SHPRH: variants seen among roughly 807,000 people sequenced by gnomAD.
SHPRH encodes the protein E3 ubiquitin-protein ligase SHPRH.
Under a neutral mutation model 202.5 loss-of-function variants are expected in SHPRH, and 106 were observed. The observed-to-expected ratio is 0.52, with a 90% CI of 0.45 to 0.62. The LOEUF (loss-of-function observed/expected upper bound fraction) is 0.62, where lower values mean the gene tolerates loss of function less well. SHPRH is among the 20% of genes least tolerant of loss of function. The pLI, the probability that SHPRH is intolerant of heterozygous loss-of-function variation, is 0.00. For missense variants in SHPRH, 1,710 were observed against 2,020.0 expected (o/e 0.85, Z 2.94); for synonymous variants, 729 against 686.0 (o/e 1.06, Z -0.98).
chr6:145,928,120 T>A (rs1785061060), intron 14 of SHPRH, among the ~76,000 whole-genome samples: 1 of 152,136 alleles, frequency 6.6e-6, no homozygotes, highest in South Asian at 2.1e-4. Flanking sequence ...CTAGCTCTGC[T>A]CATTTGTTTT....
chr6:145,864,374 A>G (rs1385273337), exon 3 of SHPRH: 2 of 424,130 alleles, frequency 4.7e-6, no homozygotes, highest in African/African-American at 2.0e-5. Flanking sequence ...TAAAGTAAAT[A>G]AAAAACAACT....
chr6:145,887,285 C>G (rs1781115006), intron 29 of SHPRH, among the ~76,000 whole-genome samples: 1 of 152,134 alleles, frequency 6.6e-6, no homozygotes, highest in Non-Finnish European at 1.5e-5. Flanking sequence ...TTTCTAGTTT[C>G]AAATTGCTTC....
In SHPRH at chr6:145,924,863, A is replaced by G. The variant is rs747278709; in HGVS notation, c.3295-17T>C. 3.1e-6 allele frequency: 5 copies of G among 1,593,754 alleles called. No homozygotes were observed. Among genetic ancestry groups the G allele is most frequent in the Non-Finnish European group, 3.4e-6 (4 of 1,163,566 alleles). The stretch of plus-strand genomic sequence containing the variant: ...CTGTTTGGCCTGTGTTGAAACAGAG[A>G]ATATAAACTTTCACTCCCAATCTAG... On this transcript the variant is annotated splice_polypyrimidine_tract_variant and intron_variant, in intron 16 of 29. Transcript: ENST00000275233.
At chr6:145,958,039 C>T (rs1219377695) in intron 1 of SHPRH, among the ~76,000 whole-genome samples, 1 of 152,234 alleles carries the variant, frequency 6.6e-6, no homozygotes, top group East Asian at 1.9e-4. Context: ...AAGCATTATG[C>T]TAAACTGAAG....
intron 13 of SHPRH, among the ~76,000 whole-genome samples, chr6:145,934,419 T>C (rs1407105852): frequency 8.5e-6 from 1 of 117,626 alleles, no homozygotes; most frequent in Non-Finnish European, 2.0e-5. Flanking sequence ...TGAGCTGAGA[T>C]TGTGCCACTG....
At chr6:145,960,390 G>C (rs1241256706) in intron 1 of SHPRH, among the ~76,000 whole-genome samples, 1 of 152,140 alleles carries the variant, frequency 6.6e-6, no homozygotes, top group African/African-American at 2.4e-5. Context: ...GCATGGATAT[G>C]GGGGGTGGAA....
chr6:145,911,091 T>A (rs547248509), intron 24 of SHPRH, among the ~76,000 whole-genome samples: 3 of 152,244 alleles, frequency 2.0e-5, no homozygotes, highest in Non-Finnish European at 4.4e-5. Context: ...TGAAAATGGT[T>A]CTGGTTATTT....
chr6:145,914,537 T>C (rs973594442), intron 23 of SHPRH, among the ~76,000 whole-genome samples: 19 of 152,092 alleles, frequency 1.2e-4, no homozygotes, highest in African/African-American at 3.6e-4. Context: ...AATGAATGAG[T>C]GTGACCATAT....
intron 28 of SHPRH, among the ~76,000 whole-genome samples, chr6:145,892,840 C>T (rs1280207239): frequency 1.3e-5 from 2 of 151,970 alleles, no homozygotes; most frequent in East Asian, 1.9e-4. Context: ...CACGGGACTA[C>T]TTTAGACAAT....
Position 145,943,130 on chromosome 6 carries a change from C to A in SHPRH, c.2238+13G>T. ...TACATTTTCCTCTCCCTCTTTAGTC[C>A]AAGTGGCCTTACCAAGACTCGAAGA... On this transcript the variant is annotated intron_variant, in intron 9 of 29. Transcript: ENST00000275233. The A allele has an allele frequency of 6.4e-7, 1 of 1,559,664 alleles. No individual in the cohort carries two copies. Among genetic ancestry groups the A allele is most frequent in the Non-Finnish European group, 8.7e-7 (1 of 1,152,954 alleles).
At chr6:145,946,606 A>G (rs1787405507) in intron 6 of SHPRH, among the ~76,000 whole-genome samples, 1 of 152,064 alleles carries the variant, frequency 6.6e-6, no homozygotes, top group African/African-American at 2.4e-5. Flanking sequence ...GGTATATTTA[A>G]ATATAAAATT....
At chr6:145,906,887 C>T (rs1783011207) in intron 25 of SHPRH, 1 of 152,242 alleles carries the variant, frequency 6.6e-6, no homozygotes, top group Non-Finnish European at 1.5e-5. Context: ...GCACTACTGT[C>T]TCCTCACCGA....
At chr6:145,907,423 A>G (rs1783060088) in intron 25 of SHPRH, 1 of 152,192 alleles carries the variant, frequency 6.6e-6, no homozygotes, top group South Asian at 2.1e-4. Flanking sequence ...TTTTCCACAC[A>G]AGAGAGATCT....
chr6:145,931,648 T>C (rs1785460456), intron 14 of SHPRH, among the ~76,000 whole-genome samples: 1 of 152,156 alleles, frequency 6.6e-6, no homozygotes. Context: ...ATTTTTTATT[T>C]TTTCTTTTTA....
At chr6:145,924,624 G>C in intron 17 of SHPRH, 115 bp downstream of exon 17, 1 of 746,698 alleles carries the variant, frequency 1.3e-6, no homozygotes, top group African/African-American at 1.7e-5. Flanking sequence ...CAATGTGCTA[G>C]GTGCTAAGGA....
intron 2 of SHPRH, among the ~76,000 whole-genome samples, chr6:145,878,928 A>G (rs546399828): frequency 6.6e-6 from 1 of 152,366 alleles, no homozygotes; most frequent in Non-Finnish European, 1.5e-5. Context: ...ACAATTACTG[A>G]TATCAAAATC....
downstream of SHPRH, among the ~76,000 whole-genome samples, chr6:145,863,445 A>G (rs555721678): frequency 6.6e-6 from 1 of 152,382 alleles, no homozygotes; most frequent in South Asian, 2.1e-4. Context: ...TTTAAGTTGC[A>G]TAGCTCCTTC....
intron 1 of SHPRH, among the ~76,000 whole-genome samples, chr6:145,957,962 G>T (rs7753696): frequency 0.63 from 96,341 of 152,062 alleles, 31,030 homozygotes; most frequent in African/African-American, 0.73. Flanking sequence ...TTGTGGCATA[G>T]TCACACAATG....
intron 2 of SHPRH, among the ~76,000 whole-genome samples, chr6:145,867,625 TATATATAGAGAG>T (rs1324096656): frequency 6.3e-4 from 40 of 63,400 alleles, no homozygotes; most frequent in African/African-American, 2.3e-3. Context: ...TATATATATA[TATATATAGAGAG>T]AGAGAGAGAG....
Sources: gnomAD v4.1 joint callset for allele counts (sites outside exome capture counted in the v4.1 genomes callset) on GRCh38, gnomAD v4.1.1 for gene constraint, MANE v1.5 for transcripts, NCBI Gene and HGNC (gene_info 2026-07-23, HGNC 2026-07-21) for gene names.